FH: variants seen among roughly 807,000 people sequenced by gnomAD.
The protein encoded by FH is fumarate hydratase, mitochondrial.
FH carries 22 observed loss-of-function variants against 49.4 expected under a neutral mutation model. That is an observed-to-expected ratio of 0.45 (90% confidence interval 0.32 to 0.64). The LOEUF (loss-of-function observed/expected upper bound fraction) is 0.64. Ranked by LOEUF, FH falls within the 30% of genes least tolerant of loss-of-function variation. FH has a pLI of 0.05. For synonymous variants in FH, 208 were observed against 223.0 expected, an observed-to-expected ratio of 0.93 and a Z score of 0.60; for missense variants, 526 against 641.5, an observed-to-expected ratio of 0.82 and a Z score of 1.95.
Position 241,519,712 on chromosome 1 carries a change from G to C in FH, c.11C>G (p.Ala4Gly). ...ACGCGAGCGCGCGAGGAGCCGAAGT[G>C]CTCGGTACATGGTGCTGAGGGAGCT... Reference protein sequence around the residue: MYRALRLLARSRPL... With the variant: MYRGLRLLARSRPL... The change falls in exon 1 of 10, where the codon GCA becomes GGA. Residue 4 changes from alanine (A) to glycine (G), a missense_variant. Coordinates refer to ENST00000366560, the MANE Select transcript of FH (RefSeq NM_000143.4). 1 of 1,546,918 alleles carries C rather than the reference G, an allele frequency of 6.5e-7. No homozygotes were observed. The highest frequency in any genetic ancestry group is 1.2e-5 in the South Asian group (1 of 83,688).
At chr1:241,503,953 C>T in intron 7 of FH, 89 bp downstream of exon 7, 1 of 1,376,210 alleles carries the variant, frequency 7.3e-7, no homozygotes, top group South Asian at 1.2e-5. Flanking sequence ...TGCGGGATAA[C>T]TTTAAACAAA....
Position 241,500,602 on chromosome 1 carries a change from T to TAAGAGA in FH, c.1237-13_1237-12insTCTCTT. ...AACACATTTTTAATCTTTGAGTGAGTGAGAGAGAGAGAGAGAGAGAGAGAG... is the reference window on the plus strand; with the variant it reads ...AACACATTTTTAATCTTTGAGTGAGTAAGAGAGAGAGAGAGAGAGAGAGAGAGAGAG... On this transcript the variant is annotated splice_polypyrimidine_tract_variant and intron_variant, in intron 8 of 9. Coordinates refer to ENST00000366560, the MANE Select transcript of FH (RefSeq NM_000143.4). 6.7e-7 allele frequency: 1 copy of TAAGAGA among 1,488,440 alleles called. No homozygotes were observed. The highest frequency in any genetic ancestry group is 1.8e-5 in the Admixed American group (1 of 54,404). 92.2% of individuals were successfully genotyped at this position (1,488,440 alleles called of 1,614,324 possible). A position where few individuals can be genotyped will look rare whatever the true frequency, so the allele number is the denominator to read the frequency against.
chr1:241,498,086 A>AT, intron 9 of FH, 116 bp from the exon 10 acceptor site: 1 of 985,532 alleles, frequency 1.0e-6, no homozygotes, highest in Non-Finnish European at 1.6e-6. Flanking sequence ...CTTAAATGAC[A>AT]TTTTTTGTTT....
intron 1 of FH, chr1:241,519,361 A>T: frequency 1.9e-6 from 1 of 524,044 alleles, no homozygotes; most frequent in Non-Finnish European, 3.2e-6. Flanking sequence ...CCTCTCTGAC[A>T]GCCCCCGTCC....
chr1:241,509,075 A>G (rs1558399559), intron 4 of FH, among the ~76,000 whole-genome samples: 1 of 148,858 alleles, frequency 6.7e-6, no homozygotes, highest in Non-Finnish European at 1.5e-5. Context: ...ATAATATATT[A>G]TGTATTATAT....
chr1:241,505,004 G>A (rs1394010991), intron 6 of FH, among the ~76,000 whole-genome samples: 1 of 151,502 alleles, frequency 6.6e-6, no homozygotes, highest in Non-Finnish European at 1.5e-5. Flanking sequence ...CTCCTCCAGG[G>A]TTCCAGCAAT....
chr1:241,517,696 T>C (rs1660257828), intron 1 of FH, among the ~76,000 whole-genome samples: 1 of 152,176 alleles, frequency 6.6e-6, no homozygotes, highest in Non-Finnish European at 1.5e-5. Flanking sequence ...GGTCTAAGAA[T>C]GATTATTTGA....
At position 241,508,901 on chromosome 1, in the gene FH, TCA is replaced by T. The variant is rs1016257056; in HGVS notation, c.556-118_556-117del. ...TCCAACTAACTACTCAAAACCCAGC[TCA>T]GTTACATGTATGTGTGGCATGTCAT... On this transcript the variant is annotated intron_variant, in intron 4 of 9. Transcript: ENST00000366560. The T allele has an allele frequency of 2.1e-5, 17 of 795,814 alleles. No individual in the cohort carries two copies. The African/African-American group carries it at 2.8e-4, about 13-fold the overall frequency. 49.3% of individuals were successfully genotyped at this position (795,814 alleles called of 1,614,324 possible).
chr1:241,505,963 T>C (rs764562737), intron 6 of FH, 40 bp downstream of exon 6: 1 of 1,593,752 alleles, frequency 6.3e-7, no homozygotes, highest in South Asian at 1.1e-5. Context: ...CCACGTATAA[T>C]GAGAAATGAA....
rs1553341623 is a variant in FH at position 241,512,144 on chromosome 1, C to T, written c.379-1G>A. 2 of 1,612,940 alleles carry T rather than the reference C, an allele frequency of 1.2e-6. No homozygotes were observed. Among genetic ancestry groups the T allele is most frequent in the South Asian group, 2.2e-5 (2 of 91,006 alleles). ...GATCATTTAATTTACCTTCAGCTACCTGCAGAAAAAATGTTAAAAATGTAT... is the reference window on the plus strand; with the variant it reads ...GATCATTTAATTTACCTTCAGCTACTTGCAGAAAAAATGTTAAAAATGTAT... On this transcript the variant is annotated splice_acceptor_variant, in intron 3 of 9. Transcript: ENST00000366560. LOFTEE classifies it high-confidence loss of function.
At chr1:241,500,135 C>T (rs1659732928) in intron 9 of FH, among the ~76,000 whole-genome samples, 1 of 151,990 alleles carries the variant, frequency 6.6e-6, no homozygotes, top group Non-Finnish European at 1.5e-5. Context: ...AATAACCTTC[C>T]CCAATGGTCT....
chr1:241,504,012 A>G, intron 7 of FH, 30 bp downstream of exon 7: 2 of 1,600,132 alleles, frequency 1.2e-6, no homozygotes, highest in Non-Finnish European at 1.7e-6. Flanking sequence ...GTCAAGTTTT[A>G]GCTCCAACAT....
chr1:241,502,637 A>T, intron 7 of FH, 67 bp from the exon 8 acceptor site: 1 of 1,553,530 alleles, frequency 6.4e-7, no homozygotes, highest in South Asian at 1.1e-5. Flanking sequence ...GAATAAAGAA[A>T]TCTAATTTCA....
intron 7 of FH, among the ~76,000 whole-genome samples, chr1:241,502,797 T>A (rs2147915213): frequency 6.6e-6 from 1 of 152,292 alleles, no homozygotes; most frequent in Non-Finnish European, 1.5e-5. Flanking sequence ...AATATAGTTC[T>A]CCACCTTCAT....
chr1:241,517,445 G>T, intron 1 of FH, 129 bp from the exon 2 acceptor site: 1 of 973,426 alleles, frequency 1.0e-6, no homozygotes, highest in Non-Finnish European at 1.5e-6. Context: ...ATACTATTTG[G>T]ATTCTCATTC....
At chr1:241,500,352 A>C (rs1659738180) in intron 9 of FH, 85 bp downstream of exon 9, 1 of 1,362,574 alleles carries the variant, frequency 7.3e-7, no homozygotes, top group Non-Finnish European at 1.0e-6. Flanking sequence ...TGCTGTTCTC[A>C]AACACTGATC....
intron 4 of FH, 57 bp downstream of exon 4, chr1:241,511,910 A>G (rs1026317363): frequency 6.6e-7 from 1 of 1,525,276 alleles, no homozygotes; most frequent in African/African-American, 1.4e-5. Flanking sequence ...TTACAAGAAC[A>G]ATCTCAGGTA....
chr1:241,507,490 G>A (rs190358472), intron 5 of FH, among the ~76,000 whole-genome samples: 1 of 151,908 alleles, frequency 6.6e-6, no homozygotes, highest in Non-Finnish European at 1.5e-5. Flanking sequence ...AGGGAACAAT[G>A]CACGAACTCA....
chr1:241,505,082 T>A (rs1030209715), intron 6 of FH, among the ~76,000 whole-genome samples: 11 of 151,546 alleles, frequency 7.3e-5, no homozygotes, highest in Non-Finnish European at 1.6e-4. Flanking sequence ...CTAATTTTTT[T>A]AAATTTTTAC....
Sources: allele counts gnomAD v4.1 joint callset (sites outside exome capture counted in the v4.1 genomes callset), GRCh38; gene constraint gnomAD v4.1.1; transcripts MANE v1.5; gene names NCBI Gene and HGNC (gene_info 2026-07-23, HGNC 2026-07-21).